Variants in FOCAD observed in about 807,000 individuals in gnomAD.
FOCAD encodes the protein focadhesin.
Under a neutral mutation model 225.6 loss-of-function variants are expected in FOCAD, and 198 were observed. That is an observed-to-expected ratio of 0.88 (90% confidence interval 0.78 to 0.99). The LOEUF (loss-of-function observed/expected upper bound fraction) is 0.99, where lower values mean the gene tolerates loss of function less well. FOCAD is among the 50% of genes least tolerant of loss of function. FOCAD has a pLI of 0.00. For synonymous variants in FOCAD, 897 were observed against 755.0 expected, an observed-to-expected ratio of 1.19 and a Z score of -3.08; for missense variants, 2,713 against 2,123.6, an observed-to-expected ratio of 1.28 and a Z score of -5.46.
chr9:20,853,020 G>A (rs71504751), intron 15 of FOCAD, among the ~76,000 whole-genome samples: 36,418 of 151,476 alleles, frequency 0.24, 4,732 homozygotes, highest in Middle Eastern at 0.33. Context: ...TTATTGTGGG[G>A]GAATAAAGCA....
At chr9:20,941,889 A>G (rs1328887049) in intron 28 of FOCAD, among the ~76,000 whole-genome samples, 1 of 152,226 alleles carries the variant, frequency 6.6e-6, no homozygotes, top group African/African-American at 2.4e-5. Context: ...CATATCAAAG[A>G]GAAGCTAGAA....
intron 24 of FOCAD, among the ~76,000 whole-genome samples, chr9:20,919,289 G>A (rs535329138): frequency 6.6e-4 from 100 of 152,178 alleles, no homozygotes; most frequent in African/African-American, 2.2e-3. Flanking sequence ...GGAGAACTAC[G>A]GACCACTGCT....
intron 35 of FOCAD, among the ~76,000 whole-genome samples, chr9:20,963,823 A>G (rs1252686612): frequency 6.6e-6 from 1 of 152,192 alleles, no homozygotes; most frequent in East Asian, 1.9e-4. Flanking sequence ...GTGAATAGAC[A>G]ACCAGTTAAC....
intron 34 of FOCAD, among the ~76,000 whole-genome samples, chr9:20,951,648 C>A (rs17691964): frequency 0.12 from 18,049 of 152,164 alleles, 1,397 homozygotes; most frequent in South Asian, 0.18. Flanking sequence ...CCTTCTTAGC[C>A]TTGGAATTGA....
intron 35 of FOCAD, among the ~76,000 whole-genome samples, chr9:20,969,960 G>C (rs1010677989): frequency 6.8e-6 from 1 of 146,536 alleles, no homozygotes; most frequent in South Asian, 2.1e-4. Flanking sequence ...TTGAATTATA[G>C]TTTTGTTGGA....
At chr9:20,881,425 G>A (rs992140426) in intron 19 of FOCAD, among the ~76,000 whole-genome samples, 4 of 152,174 alleles carry the variant, frequency 2.6e-5, no homozygotes, top group East Asian at 1.9e-4. Context: ...GCAACTGGAA[G>A]GTGTTAGGGA....
chr9:20,715,195 C>A, intron 1 of FOCAD, 127 bp from the exon 2 acceptor site: 1 of 380,524 alleles, frequency 2.6e-6, no homozygotes, highest in South Asian at 1.1e-4. Context: ...CTCTGCAGAG[C>A]CCTGTGCTTT....
At chr9:20,719,790 T>TTTTTTA (rs1233037603) in intron 3 of FOCAD, among the ~76,000 whole-genome samples, 1 of 143,202 alleles carries the variant, frequency 7.0e-6, no homozygotes, top group East Asian at 2.0e-4. Flanking sequence ...TTTTTTTTTT[T>TTTTTTA]TTTTTTTTTT....
rs117286613 is a variant in FOCAD at position 20,792,612 on chromosome 9, C to T, written c.1455+3004C>T. 7.0e-3 allele frequency among the ~76,000 whole-genome samples: 1,060 copies of T among 152,312 alleles called. 32 individuals carry two copies. Among genetic ancestry groups the T allele is most frequent in the Admixed American group, 0.048 (734 of 15,300 alleles). On this transcript the variant is annotated intron_variant, in intron 11 of 43. Coordinates refer to ENST00000338382, the MANE Select transcript of FOCAD (RefSeq NM_001375567.1). ...CTTTTCTTTTACTTGCATCTTACAACACTGAGGTATTTTATTTTCTTTTTA... is the reference window on the plus strand; with the variant it reads ...CTTTTCTTTTACTTGCATCTTACAATACTGAGGTATTTTATTTTCTTTTTA...
intron 21 of FOCAD, among the ~76,000 whole-genome samples, chr9:20,892,233 A>C (rs1249436677): frequency 2.6e-5 from 4 of 152,228 alleles, no homozygotes; most frequent in Non-Finnish European, 5.9e-5. Flanking sequence ...GACTGCCAAC[A>C]CAACATCCAT....
At chr9:20,871,335 T>A (rs1829746457) in intron 18 of FOCAD, among the ~76,000 whole-genome samples, 1 of 152,140 alleles carries the variant, frequency 6.6e-6, no homozygotes, top group Non-Finnish European at 1.5e-5. Context: ...CAAAAGTAAT[T>A]GCAGTTTTTT....
At chr9:20,849,797 T>C (rs2131613367) in intron 15 of FOCAD, among the ~76,000 whole-genome samples, 1 of 152,062 alleles carries the variant, frequency 6.6e-6, no homozygotes, top group South Asian at 2.1e-4. Context: ...AAACTGTTTC[T>C]CCTTTCCCAG....
chr9:20,851,344 A>G (rs1827637385), intron 15 of FOCAD, among the ~76,000 whole-genome samples: 1 of 151,708 alleles, frequency 6.6e-6, no homozygotes, highest in South Asian at 2.1e-4. Flanking sequence ...CTAAAACCAG[A>G]TATCTGCATA....
At chr9:20,924,536 G>T (rs1834760649) in intron 25 of FOCAD, among the ~76,000 whole-genome samples, 2 of 152,170 alleles carry the variant, frequency 1.3e-5, no homozygotes, top group Admixed American at 1.3e-4. Flanking sequence ...TATATGTGAA[G>T]CACAACAGCT....
intron 11 of FOCAD, among the ~76,000 whole-genome samples, chr9:20,792,355 C>T (rs1016193122): frequency 6.6e-6 from 1 of 152,086 alleles, no homozygotes; most frequent in African/African-American, 2.4e-5. Flanking sequence ...ACTCTAAATA[C>T]TATGTGTAAG....
intron 2 of FOCAD, among the ~76,000 whole-genome samples, chr9:20,660,375 C>T (rs940601133): frequency 9.9e-5 from 15 of 152,174 alleles, no homozygotes; most frequent in Admixed American, 3.3e-4. Flanking sequence ...AAGTTACTCT[C>T]AGCCAGGAAG....
At chr9:20,852,121 G>A (rs376699109) in intron 15 of FOCAD, among the ~76,000 whole-genome samples, 14 of 151,818 alleles carry the variant, frequency 9.2e-5, no homozygotes, top group African/African-American at 3.4e-4. Flanking sequence ...TTGTTTGGGT[G>A]GAAAAATCTT....
chr9:20,922,342 G>T (rs908067841), intron 24 of FOCAD, among the ~76,000 whole-genome samples: 1 of 97,888 alleles, frequency 1.0e-5, no homozygotes, highest in African/African-American at 2.9e-5. Context: ...ACATTGAGGT[G>T]GGGGGGTGGT....
chr9:20,987,825 A>G (rs1194457926), intron 40 of FOCAD, among the ~76,000 whole-genome samples: 56 of 152,326 alleles, frequency 3.7e-4, no homozygotes, highest in Non-Finnish European at 2.4e-4. Context: ...CCTCTTTTTT[A>G]AAAAACAAAA....
Sources: gnomAD v4.1 joint callset for allele counts (sites outside exome capture counted in the v4.1 genomes callset) on GRCh38, gnomAD v4.1.1 for gene constraint, MANE v1.5 for transcripts, NCBI Gene and HGNC (gene_info 2026-07-23, HGNC 2026-07-21) for gene names.